The following LEKR1 variants were observed in gnomAD, a reference collection of about 807,000 sequenced individuals.
The protein encoded by LEKR1 is protein LEKR1.
Under a neutral mutation model 72.4 loss-of-function variants are expected in LEKR1, and 59 were observed. The observed-to-expected ratio is 0.82, with a 90% CI of 0.66 to 1.01. LEKR1 has a LOEUF of 1.01. Ranked by LOEUF, LEKR1 falls within the 50% of genes least tolerant of loss-of-function variation. The pLI is 0.00. For synonymous variants in LEKR1, 257 were observed against 263.2 expected (o/e 0.98, Z 0.23); for missense variants, 728 against 759.2 (o/e 0.96, Z 0.48).
chr3:156,966,320 C>T (rs542367399), intron 6 of LEKR1, among the ~76,000 whole-genome samples: 1 of 152,046 alleles, frequency 6.6e-6, no homozygotes, highest in Non-Finnish European at 1.5e-5. Flanking sequence ...TGAGCTGAAG[C>T]AGGGTGAGGC....
chr3:156,938,961 T>C (rs1307632825), intron 5 of LEKR1, among the ~76,000 whole-genome samples: 1 of 152,230 alleles, frequency 6.6e-6, no homozygotes, highest in Non-Finnish European at 1.5e-5. Context: ...CAGTAATAAT[T>C]GTACTTGCGT....
intron 3 of LEKR1, among the ~76,000 whole-genome samples, chr3:156,868,233 T>G (rs1456045390): frequency 6.6e-6 from 1 of 152,134 alleles, no homozygotes; most frequent in Non-Finnish European, 1.5e-5. Context: ...AGGCATTTCT[T>G]CCTTTGCATC....
At chr3:156,929,223 C>A (rs1724991009) in intron 5 of LEKR1, among the ~76,000 whole-genome samples, 1 of 151,134 alleles carries the variant, frequency 6.6e-6, no homozygotes, top group African/African-American at 2.4e-5. Context: ...ATTGAAGATC[C>A]CCCATTTCCC....
At chr3:157,004,653 G>T (rs1387324534) in intron 9 of LEKR1, among the ~76,000 whole-genome samples, 1 of 152,040 alleles carries the variant, frequency 6.6e-6, no homozygotes, top group Non-Finnish European at 1.5e-5. Flanking sequence ...TGTAATTAAC[G>T]TGGAAATCAA....
chr3:156,880,895 A>G (rs1186927873), intron 3 of LEKR1, among the ~76,000 whole-genome samples: 2 of 152,226 alleles, frequency 1.3e-5, no homozygotes, highest in Non-Finnish European at 2.9e-5. Flanking sequence ...ACCAAAAACA[A>G]AAACCACATG....
chr3:156,851,737 A>G (rs1715391115), intron 2 of LEKR1, among the ~76,000 whole-genome samples: 1 of 152,024 alleles, frequency 6.6e-6, no homozygotes, highest in Non-Finnish European at 1.5e-5. Context: ...ATATGGTGGC[A>G]TTACTATTAG....
At chr3:156,843,974 G>T (rs987536609) in intron 2 of LEKR1, among the ~76,000 whole-genome samples, 13 of 152,010 alleles carry the variant, frequency 8.6e-5, no homozygotes, top group Non-Finnish European at 1.5e-4. Context: ...TAGTTCATTA[G>T]AAAAAGCATT....
Position 157,046,078 on chromosome 3 carries a change from G to A in LEKR1, c.*328G>A, listed in dbSNP as rs375784047. 12 of 226,304 alleles carry A rather than the reference G, an allele frequency of 5.3e-5. No homozygotes were observed. The highest frequency in any genetic ancestry group is 2.3e-4 in the African/African-American group (10 of 43,834). The allele number at this position is 226,304 out of a possible 1,614,324, so 14.0% of individuals were successfully genotyped here. Reference sequence around the variant, plus strand: ...ACCCATAACATCTTTTCAATTTCTTGCGCCACTACAAGCAGATATATTTCC... The same window carrying A: ...ACCCATAACATCTTTTCAATTTCTTACGCCACTACAAGCAGATATATTTCC... On this transcript the variant is annotated 3_prime_UTR_variant, in exon 13 of 13. Transcript: ENST00000356539.
At chr3:156,967,483 A>G (rs936420306) in intron 6 of LEKR1, among the ~76,000 whole-genome samples, 24 of 152,262 alleles carry the variant, frequency 1.6e-4, no homozygotes, top group African/African-American at 5.5e-4. Context: ...TGAATGCACA[A>G]GCCTCATTAG....
chr3:157,028,724 TG>T (rs2108037554), intron 12 of LEKR1, among the ~76,000 whole-genome samples: 1 of 152,334 alleles, frequency 6.6e-6, no homozygotes, highest in East Asian at 1.9e-4. Flanking sequence ...ATGTCTTATT[TG>T]TTTTAACGTT....
At chr3:156,833,437 G>C (rs996428522) in intron 2 of LEKR1, among the ~76,000 whole-genome samples, 2 of 152,122 alleles carry the variant, frequency 1.3e-5, no homozygotes, top group Non-Finnish European at 2.9e-5. Flanking sequence ...CAATTAACAA[G>C]GAAATTTGGT....
chr3:156,922,612 A>G (rs1724314216), intron 4 of LEKR1, among the ~76,000 whole-genome samples: 1 of 152,096 alleles, frequency 6.6e-6, no homozygotes, highest in Non-Finnish European at 1.5e-5. Flanking sequence ...GTATTCTTTC[A>G]TGATCTGTGT....
intron 2 of LEKR1, among the ~76,000 whole-genome samples, chr3:156,842,315 G>T (rs77084968): frequency 3.3e-5 from 5 of 152,092 alleles, no homozygotes; most frequent in African/African-American, 1.2e-4. Flanking sequence ...CCTGAGATGT[G>T]TGGATCAGTG....
intron 10 of LEKR1, 146 bp from the exon 11 acceptor site, chr3:157,024,614 C>CT (rs34378141): frequency 5.3e-5 from 36 of 677,478 alleles, no homozygotes; most frequent in Middle Eastern, 4.2e-4. Context: ...CTAAGTCACA[C>CT]TTTTTTTTGA....
chr3:156,982,808 A>G (rs1269464528), intron 7 of LEKR1, among the ~76,000 whole-genome samples: 2 of 152,004 alleles, frequency 1.3e-5, no homozygotes, highest in African/African-American at 4.8e-5. Flanking sequence ...GATATAAAAT[A>G]TACTTTTATT....
At chr3:156,933,723 G>T (rs918870633) in intron 5 of LEKR1, among the ~76,000 whole-genome samples, 1 of 152,012 alleles carries the variant, frequency 6.6e-6, no homozygotes, top group Non-Finnish European at 1.5e-5. Flanking sequence ...TCTTTTTCAG[G>T]AAACTTTTAA....
chr3:157,014,075 T>C (rs888369660), intron 10 of LEKR1, among the ~76,000 whole-genome samples: 1 of 152,066 alleles, frequency 6.6e-6, no homozygotes, highest in Non-Finnish European at 1.5e-5. Context: ...CAAATTAATG[T>C]GGATGCTGAA....
chr3:156,866,878 CTGCA>C (rs1438313895), intron 3 of LEKR1, among the ~76,000 whole-genome samples: 2 of 151,978 alleles, frequency 1.3e-5, no homozygotes, highest in African/African-American at 4.8e-5. Context: ...TCTATGCACC[CTGCA>C]TACTGTCCTT....
chr3:156,926,368 A>T (rs1388795815), intron 4 of LEKR1, among the ~76,000 whole-genome samples: 1 of 152,076 alleles, frequency 6.6e-6, no homozygotes. Context: ...TTTGTGTGGC[A>T]TTACTGATTA....
Sources: allele counts gnomAD v4.1 joint callset (sites outside exome capture counted in the v4.1 genomes callset), GRCh38; gene constraint gnomAD v4.1.1; transcripts MANE v1.5; gene names NCBI Gene and HGNC (gene_info 2026-07-23, HGNC 2026-07-21).